The following EDC4 variants were observed in gnomAD, a reference collection of about 807,000 sequenced individuals.
EDC4 encodes enhancer of mRNA decapping 4, also known as enhancer of mRNA-decapping protein 4.
Under a neutral mutation model 155.8 loss-of-function variants are expected in EDC4, and 64 were observed. That is an observed-to-expected ratio of 0.41 (90% confidence interval 0.34 to 0.51). The LOEUF is 0.51. Ranked by LOEUF, EDC4 falls within the 20% of genes least tolerant of loss-of-function variation. The pLI is 0.19. For synonymous variants in EDC4, 684 were observed against 716.8 expected (o/e 0.95, Z 0.73); for missense variants, 1,303 against 1,812.5 (o/e 0.72, Z 5.10).
chr16:67,876,980 A>G lies in EDC4; in HGVS notation c.451+8A>G, dbSNP rs759083993. On this transcript the variant is annotated splice_region_variant and intron_variant, in intron 4 of 28. Transcript: ENST00000358933. The surrounding 1 kb of genome is among the most constrained non-coding windows in gnomAD (Gnocchi z 5.8). ...TGGCCTATGCCATTCGGGGTGAGTA[A>G]AGACAGTGAGGAGGAAGGAATGTTC... The G allele has an allele frequency of 1.2e-6, 2 of 1,613,452 alleles. No individual in the cohort carries two copies. Among genetic ancestry groups the G allele is most frequent in the Non-Finnish European group, 1.7e-6 (2 of 1,179,736 alleles).
In EDC4 at chr16:67,882,989, C is replaced by A; in HGVS notation, c.3661C>A (p.Arg1221Ser). The change falls in exon 27 of 29, where the codon CGC becomes AGC. Residue 1221 changes from arginine (R) to serine (S), a missense_variant. Physicochemically the swap from Arg to Ser is moderately radical, Grantham distance 110. Around this residue, in one of 5 missense-constraint regions of EDC4, gnomAD observed 527 missense variants for 757.0 expected, o/e 0.70. Transcript: ENST00000358933. The surrounding 1 kb of genome is among the most constrained non-coding windows in gnomAD (Gnocchi z 7.2). ...LQESILAQVQ[R>S]IVKGEVSVAL... ...GGAGTCCATTTTAGCACAGGTACAG[C>A]GCATCGTTAAGGGTGAGGTGAGTGT... 3 of 1,614,152 alleles carry A rather than the reference C, an allele frequency of 1.9e-6. No individual in the cohort carries two copies. Among genetic ancestry groups the A allele is most frequent in the Non-Finnish European group, 2.5e-6 (3 of 1,180,018 alleles).
rs1254162973 is a variant in EDC4, at chr16:67,882,601, G to A, written c.3442+7G>A. On this transcript the variant is annotated splice_region_variant and intron_variant, in intron 25 of 28. Coordinates refer to ENST00000358933, the MANE Select transcript of EDC4 (RefSeq NM_014329.5). The surrounding 1 kb of genome is among the most constrained non-coding windows in gnomAD (Gnocchi z 7.2). ...CGGCTGGGGACACAGGAATGTGAGT[G>A]GGGTCATATGGCCCAAGGTGGGAGG... 1 of 1,614,222 alleles carries A rather than the reference G, an allele frequency of 6.2e-7. No individual in the cohort carries two copies. Among genetic ancestry groups the A allele is most frequent in the African/African-American group, 1.3e-5 (1 of 75,060 alleles).
rs771306170 is a variant in EDC4 at position 67,883,378 on chromosome 16, A to G, written c.3850-190A>G. ...CCCACCTAGCCCACCTTGCTTTACA[A>G]CTACCCTTCTCAGGAACCCATTTCC... On this transcript the variant is annotated intron_variant, in intron 27 of 28. Transcript: ENST00000358933. The surrounding 1 kb of genome is among the most constrained non-coding windows in gnomAD (Gnocchi z 5.3). 1.6e-5 allele frequency: 21 copies of G among 1,280,062 alleles called. No homozygotes were observed. Among genetic ancestry groups the G allele is most frequent in the Non-Finnish European group, 2.0e-5 (19 of 930,928 alleles). 79.3% of individuals were successfully genotyped at this position (1,280,062 alleles called of 1,614,324 possible).
chr16:67,878,984 A>G lies in EDC4; in HGVS notation c.1315A>G (p.Asn439Asp), dbSNP rs1186909045. 1.2e-6 allele frequency: 2 copies of G among 1,610,798 alleles called. No individual in the cohort carries two copies. Among genetic ancestry groups the G allele is most frequent in the Non-Finnish European group, 1.7e-6 (2 of 1,178,660 alleles). ...KVLYVMELLQNQEEGHACFSS... is the reference protein window; with the variant it reads ...KVLYVMELLQDQEEGHACFSS... ...CCTCTATGTGATGGAGCTGCTGCAA[A>G]ACCAGGAGGAGGGCCACGCCTGCTT... Residue 439 changes from asparagine to aspartate, a missense_variant, in exon 12 of 29, where the codon AAC (asparagine) becomes GAC (aspartate). Around this residue, in one of 5 missense-constraint regions of EDC4, gnomAD observed 235 missense variants for 367.7 expected, o/e 0.64. Transcript: ENST00000358933. The surrounding 1 kb of genome is among the most constrained non-coding windows in gnomAD (Gnocchi z 5.2).
Position 67,880,289 on chromosome 16 carries a change from C to T in EDC4, c.2097+73C>T, listed in dbSNP as rs776346655. The T allele has an allele frequency of 2.6e-6, 4 of 1,514,892 alleles. No homozygotes were observed. In the African/African-American group the frequency reaches 4.1e-5, roughly 16 times the overall value. 93.8% of individuals were successfully genotyped at this position (1,514,892 alleles called of 1,614,324 possible). ...AGCAGGGAAGGTGGGTGGTGGGCTC[C>T]TCCCAGCCCCCTGCTGCTGATCCTG... On this transcript the variant is annotated intron_variant, in intron 17 of 28. Coordinates refer to ENST00000358933, the MANE Select transcript of EDC4 (RefSeq NM_014329.5). The surrounding 1 kb of genome is among the most constrained non-coding windows in gnomAD (Gnocchi z 5.2).
Position 67,873,197 on chromosome 16 carries a change from G to A in EDC4, c.-65G>A. On this transcript the variant is annotated 5_prime_UTR_variant, in exon 1 of 29. Transcript: ENST00000358933. The stretch of plus-strand genomic sequence containing the variant: ...GTCTCGCCCCGTGGCGGGTGAGCGA[G>A]GGTGCGTGGTGCGCGGCGGCGGCGG... The A allele has an allele frequency of 1.6e-6, 2 of 1,232,840 alleles. No individual in the cohort carries two copies. The highest frequency in any genetic ancestry group is 2.1e-6 in the Non-Finnish European group (2 of 947,812). 76.4% of individuals were successfully genotyped at this position (1,232,840 alleles called of 1,614,324 possible). A position where few individuals can be genotyped will look rare whatever the true frequency, so the allele number is the denominator to read the frequency against.
At position 67,877,604 on chromosome 16, in the gene EDC4, A is replaced by G; in HGVS notation, c.737A>G (p.Glu246Gly). The change falls in exon 6 of 29, where the codon GAA (glutamate) becomes GGA (glycine). Residue 246 changes from glutamate (E) to glycine (G), a missense_variant. Around this residue, in one of 5 missense-constraint regions of EDC4, gnomAD observed 235 missense variants for 367.7 expected, o/e 0.64. Coordinates refer to ENST00000358933, the MANE Select transcript of EDC4 (RefSeq NM_014329.5). This position sits in a 1 kb window ranked among gnomAD's most constrained non-coding sequence, Gnocchi z 4.9. Reference sequence around the variant, plus strand: ...TGCCCCTTCATCCCTGAGGAGAGCGAAGACTGCTGTGAGGAGAGCAGCCCA... The same window carrying G: ...TGCCCCTTCATCCCTGAGGAGAGCGGAGACTGCTGTGAGGAGAGCAGCCCA... ...IWCPFIPEESEDCCEESSPTV... is the reference protein window; with the variant it reads ...IWCPFIPEESGDCCEESSPTV... 1 of 1,614,190 alleles carries G rather than the reference A, an allele frequency of 6.2e-7. No individual in the cohort carries two copies. Among genetic ancestry groups the G allele is most frequent in the Admixed American group, 1.7e-5 (1 of 60,026 alleles).
chr16:67,876,018 G>A lies in EDC4; in HGVS notation c.156G>A (p.Pro52=), dbSNP rs201207125. The change falls in exon 2 of 29, where the codon CCG becomes CCA. Residue 52 remains proline (P), a synonymous_variant. Coordinates refer to ENST00000358933, the MANE Select transcript of EDC4 (RefSeq NM_014329.5). The surrounding 1 kb of genome is among the most constrained non-coding windows in gnomAD (Gnocchi z 5.8). ...TCAATGGACTTCTGGTCCCAGACCCGCTCTGCTCAGGTGATAGTACCTCAG... is the reference window on the plus strand; with the variant it reads ...TCAATGGACTTCTGGTCCCAGACCCACTCTGCTCAGGTGATAGTACCTCAG... ...GDLNGLLVPD[P]LCSGDSTSAN... is the part of the protein sequence containing the mutation. 4.3e-6 allele frequency: 7 copies of A among 1,614,138 alleles called. No individual in the cohort carries two copies. The highest frequency in any genetic ancestry group is 1.7e-4 in the Middle Eastern group (1 of 6,058).
rs1266448095 is a variant in EDC4 at position 67,883,926 on chromosome 16, T to C, written c.4014-30T>C. 2.7e-5 allele frequency: 43 copies of C among 1,574,514 alleles called. No individual in the cohort carries two copies. The highest frequency in any genetic ancestry group is 3.5e-5 in the Non-Finnish European group (41 of 1,157,140). ...GCGCTCCCGTCTGCTGGCACCCACCTGTAGCCTGTCCTTTCCCCCCCATCC... is the reference window on the plus strand; with the variant it reads ...GCGCTCCCGTCTGCTGGCACCCACCCGTAGCCTGTCCTTTCCCCCCCATCC... On this transcript the variant is annotated intron_variant, in intron 28 of 28. Transcript: ENST00000358933. The surrounding 1 kb of genome is among the most constrained non-coding windows in gnomAD (Gnocchi z 5.3).
rs942307916 is a variant in EDC4, at chr16:67,882,343, A to T, written c.3276+16A>T. The T allele has an allele frequency of 1.2e-6, 2 of 1,613,914 alleles. No individual in the cohort carries two copies. The highest frequency in any genetic ancestry group is 3.3e-5 in the Admixed American group (2 of 59,988). Reference sequence around the variant, plus strand: ...CAAGTCCAAGGTGCTATAGGGCCCAAGATGTGGGTGGAGGTGGTGGTTCCT... The same window carrying T: ...CAAGTCCAAGGTGCTATAGGGCCCATGATGTGGGTGGAGGTGGTGGTTCCT... On this transcript the variant is annotated intron_variant, in intron 24 of 28. Transcript: ENST00000358933. This position sits in a 1 kb window ranked among gnomAD's most constrained non-coding sequence, Gnocchi z 7.2.
At chr16:67,875,823 G>A in intron 1 of EDC4, 122 bp from the exon 2 acceptor site, 1 of 1,497,906 alleles carries the variant, frequency 6.7e-7, no homozygotes, top group Non-Finnish European at 8.9e-7. Flanking sequence ...CCTCCTCATG[G>A]ACATGCTTTG....
Position 67,879,128 on chromosome 16 carries a change from C to T in EDC4, c.1459C>T (p.Leu487=), listed in dbSNP as rs2058053866. The change falls in exon 12 of 29, where the codon CTG becomes TTG. Residue 487 remains leucine, a synonymous_variant. Coordinates refer to ENST00000358933, the MANE Select transcript of EDC4 (RefSeq NM_014329.5). This position sits in a 1 kb window ranked among gnomAD's most constrained non-coding sequence, Gnocchi z 6.0. ...VLPAEEENDS[L]GADGTHGAGA... Reference sequence around the variant, plus strand: ...GCCTGCCGAAGAGGAAAATGACAGCCTGGGTGCTGGTGAGCTGCCTCAGGG... The same window carrying T: ...GCCTGCCGAAGAGGAAAATGACAGCTTGGGTGCTGGTGAGCTGCCTCAGGG... 6.2e-7 allele frequency: 1 copy of T among 1,613,868 alleles called. No homozygotes were observed. The highest frequency in any genetic ancestry group is 2.2e-5 in the East Asian group (1 of 44,876).
At position 67,883,249 on chromosome 16, in the gene EDC4, C is replaced by T. The variant is rs2058078301; in HGVS notation, c.3849+72C>T. Reference sequence around the variant, plus strand: ...AGGCCCACATACCATACATTCTACTCCACCCACCACCTTTGCACCTTCTGG... The same window carrying T: ...AGGCCCACATACCATACATTCTACTTCACCCACCACCTTTGCACCTTCTGG... On this transcript the variant is annotated intron_variant, in intron 27 of 28. Transcript: ENST00000358933. This position sits in a 1 kb window ranked among gnomAD's most constrained non-coding sequence, Gnocchi z 5.3. The T allele has an allele frequency of 6.7e-7, 1 of 1,484,854 alleles. No individual in the cohort carries two copies. Among genetic ancestry groups the T allele is most frequent in the Non-Finnish European group, 9.0e-7 (1 of 1,115,214 alleles). 92.0% of individuals were successfully genotyped at this position (1,484,854 alleles called of 1,614,324 possible).
Position 67,880,429 on chromosome 16 carries a change from T to A in EDC4, c.2098-128T>A, listed in dbSNP as rs530976194. 7.8e-6 allele frequency: 11 copies of A among 1,409,942 alleles called. No homozygotes were observed. In the African/African-American group the frequency reaches 1.4e-4, roughly 18 times the overall value. 87.3% of individuals were successfully genotyped at this position (1,409,942 alleles called of 1,614,324 possible). A position where few individuals can be genotyped will look rare whatever the true frequency, so the allele number is the denominator to read the frequency against. On this transcript the variant is annotated intron_variant, in intron 17 of 28. Coordinates refer to ENST00000358933, the MANE Select transcript of EDC4 (RefSeq NM_014329.5). The surrounding 1 kb of genome is among the most constrained non-coding windows in gnomAD (Gnocchi z 5.2). ...TCCTCTTCTTGGCTGTGGCCTCGTTTTTGACCTGTATCCCCACTTCCCTGC... is the reference window on the plus strand; with the variant it reads ...TCCTCTTCTTGGCTGTGGCCTCGTTATTGACCTGTATCCCCACTTCCCTGC...
rs1315911593 is a variant in EDC4 at position 67,881,943 on chromosome 16, C to A, written c.3005-11C>A. 1 of 1,606,022 alleles carries A rather than the reference C, an allele frequency of 6.2e-7. No individual in the cohort carries two copies. The highest frequency in any genetic ancestry group is 8.5e-7 in the Non-Finnish European group (1 of 1,175,058). ...GACCTGCTCCAGGCCCGTTCCTTAG[C>A]TATGGCGCAGAGCGGCGGCTGGAGC... is the stretch of plus-strand genomic sequence containing the variant. On this transcript the variant is annotated splice_polypyrimidine_tract_variant and intron_variant, in intron 22 of 28. Transcript: ENST00000358933. This position sits in a 1 kb window ranked among gnomAD's most constrained non-coding sequence, Gnocchi z 5.4.
Position 67,877,555 on chromosome 16 carries a change from A to G in EDC4, c.688A>G (p.Asn230Asp), listed in dbSNP as rs2058046974. Residue 230 changes from asparagine (N) to aspartate (D), a missense_variant, in exon 6 of 29, where the codon AAC becomes GAC. This residue lies in a region of EDC4 where 235 missense variants were observed against 367.7 expected (regional missense o/e 0.64). Transcript: ENST00000358933. The surrounding 1 kb of genome is among the most constrained non-coding windows in gnomAD (Gnocchi z 4.9). Reference protein sequence around the residue: ...HIRQPEGTPLNHFRRIIWCPF... With the variant: ...HIRQPEGTPLDHFRRIIWCPF... ...TCGGCAGCCAGAGGGCACGCCACTG[A>G]ACCACTTTCGCAGGATCATCTGGTG... 3 of 1,614,186 alleles carry G rather than the reference A, an allele frequency of 1.9e-6. No individual in the cohort carries two copies. The East Asian group carries it at 6.7e-5, about 36-fold the overall frequency.
In EDC4 at chr16:67,881,874, G is replaced by C; in HGVS notation, c.3004+29G>C. 6.2e-7 allele frequency: 1 copy of C among 1,607,590 alleles called. No homozygotes were observed. The highest frequency in any genetic ancestry group is 1.1e-5 in the South Asian group (1 of 90,954). On this transcript the variant is annotated intron_variant, in intron 22 of 28. Coordinates refer to ENST00000358933, the MANE Select transcript of EDC4 (RefSeq NM_014329.5). The surrounding 1 kb of genome is among the most constrained non-coding windows in gnomAD (Gnocchi z 5.4). ...TCCTTGAGACTGGTAGCACAACATG[G>C]CATAGGGACGGGGGCAGCATTCTTG...
intron 1 of EDC4, among the ~76,000 whole-genome samples, chr16:67,874,880 G>A (rs1191064543): frequency 1.3e-5 from 2 of 152,076 alleles, no homozygotes; most frequent in Non-Finnish European, 2.9e-5. Context: ...CCAGGAGTTC[G>A]AGACCAGCCT....
At position 67,883,939 on chromosome 16, in the gene EDC4, T is replaced by C. The variant is rs1239763513; in HGVS notation, c.4014-17T>C. On this transcript the variant is annotated splice_polypyrimidine_tract_variant and intron_variant, in intron 28 of 28. Transcript: ENST00000358933. The surrounding 1 kb of genome is among the most constrained non-coding windows in gnomAD (Gnocchi z 5.3). The stretch of plus-strand genomic sequence containing the variant: ...CTGGCACCCACCTGTAGCCTGTCCT[T>C]TCCCCCCCATCCCCAGCTACCTGGA... 5.7e-6 allele frequency: 9 copies of C among 1,582,762 alleles called. No homozygotes were observed. The East Asian group carries it at 2.0e-4, about 36-fold the overall frequency.
Sources: gnomAD v4.1 joint callset for allele counts (sites outside exome capture counted in the v4.1 genomes callset) on GRCh38, gnomAD v4.1.1 for gene constraint, gnomAD v4.1.1 regional missense constraint, Gnocchi (gnomAD v3.1) non-coding constraint, MANE v1.5 for transcripts, NCBI Gene and HGNC (gene_info 2026-07-23, HGNC 2026-07-21) for gene names.